The following GRAMD1C variants were observed in gnomAD, a reference collection of about 807,000 sequenced individuals.
GRAMD1C encodes the protein protein Aster-C.
GRAMD1C carries 89 observed loss-of-function variants against 97.8 expected under a neutral mutation model. The ratio of observed to expected loss-of-function variants is 0.91; its 90% CI spans 0.77 to 1.09. The LOEUF (loss-of-function observed/expected upper bound fraction) is 1.09, where lower values mean the gene tolerates loss of function less well. GRAMD1C is among the 50% of genes least tolerant of loss of function. GRAMD1C has a pLI of 0.00. For synonymous variants in GRAMD1C, 256 were observed against 267.0 expected (o/e 0.96, Z 0.40); for missense variants, 740 against 766.4 (o/e 0.97, Z 0.41).
At chr3:113,921,953 C>G (rs1332861212) in intron 10 of GRAMD1C, among the ~76,000 whole-genome samples, 1 of 152,032 alleles carries the variant, frequency 6.6e-6, no homozygotes, top group Non-Finnish European at 1.5e-5. Context: ...TGTGCAGATA[C>G]TCTTTAGTTT....
At position 113,860,210 on chromosome 3, in the gene GRAMD1C, CAG is replaced by C. The variant is rs1188675933; in HGVS notation, c.175-9296_175-9295del. 2.0e-5 allele frequency among the ~76,000 whole-genome samples: 3 copies of C among 152,174 alleles called. No homozygotes were observed. In the East Asian group the frequency reaches 5.8e-4, roughly 29 times the overall value. The stretch of plus-strand genomic sequence containing the variant: ...CTAATTTTCGTATTTTTAGTAGAGA[CAG>C]GGTTTCACCATGTTGGTCAGACCAG... On this transcript the variant is annotated intron_variant, in intron 2 of 17. Coordinates refer to ENST00000358160, the MANE Select transcript of GRAMD1C (RefSeq NM_017577.5).
At chr3:113,924,734 C>T (rs1401410908) in intron 10 of GRAMD1C, among the ~76,000 whole-genome samples, 2 of 152,064 alleles carry the variant, frequency 1.3e-5, no homozygotes, top group African/African-American at 4.8e-5. Flanking sequence ...ATGAGAAGAA[C>T]GTATATTCTG....
At chr3:113,871,744 CAAAA>C (rs1179822586) in intron 3 of GRAMD1C, among the ~76,000 whole-genome samples, 1 of 65,410 alleles carries the variant, frequency 1.5e-5, no homozygotes, top group Non-Finnish European at 2.6e-5. Flanking sequence ...GACTCTGTCT[CAAAA>C]AAAAAAAAAA....
chr3:113,832,066 G>A lies in GRAMD1C; in HGVS notation n.98+3787G>A, dbSNP rs113463913. Reference sequence around the variant, plus strand: ...TTTTTTTGAGACAGAGTCTTACTCTGTCGCTCAGGCTGGAGTGCAGTGTGC... The same window carrying A: ...TTTTTTTGAGACAGAGTCTTACTCTATCGCTCAGGCTGGAGTGCAGTGTGC... On this transcript the variant is annotated intron_variant and non_coding_transcript_variant, in intron 1 of 18. Transcript: ENST00000479212. Among the ~76,000 whole-genome samples, 1,383 of 150,718 alleles carry A rather than the reference G, an allele frequency of 9.2e-3. 26 individuals are homozygous for A. The highest frequency in any genetic ancestry group is 0.031 in the African/African-American group (1,247 of 40,164).
At position 113,927,070 on chromosome 3, in the gene GRAMD1C, T is replaced by C. The variant is rs535636937; in HGVS notation, c.1091-3644T>C. On this transcript the variant is annotated intron_variant, in intron 10 of 17. Transcript: ENST00000358160. ...GGCAGGGGCGCTGGTGGGAACCCTTTGTTTTCACAGGTGTCACCTTTGTTT... is the reference window on the plus strand; with the variant it reads ...GGCAGGGGCGCTGGTGGGAACCCTTCGTTTTCACAGGTGTCACCTTTGTTT... 1.3e-4 allele frequency among the ~76,000 whole-genome samples: 20 copies of C among 152,044 alleles called. No individual in the cohort carries two copies. In the South Asian group the frequency reaches 3.7e-3, roughly 28 times the overall value.
intron 15 of GRAMD1C, chr3:113,939,641 G>A (rs1478166411): frequency 2.9e-6 from 1 of 341,762 alleles, no homozygotes; most frequent in Non-Finnish European, 5.4e-6. Flanking sequence ...CCAAACCTGT[G>A]AGTTCGGATT....
intron 8 of GRAMD1C, among the ~76,000 whole-genome samples, chr3:113,906,646 A>T (rs191541858): frequency 1.9e-3 from 279 of 145,534 alleles, no homozygotes; most frequent in Non-Finnish European, 3.4e-3. Context: ...TATTATTGAA[A>T]AAACAATTTT....
intron 2 of GRAMD1C, among the ~76,000 whole-genome samples, chr3:113,849,625 C>G (rs1240393337): frequency 6.6e-6 from 1 of 152,122 alleles, no homozygotes; most frequent in East Asian, 1.9e-4. Context: ...GGTCACAGAT[C>G]AACAGGATCC....
upstream of GRAMD1C, among the ~76,000 whole-genome samples, chr3:113,835,807 C>T (rs1709622739): frequency 6.6e-6 from 1 of 152,178 alleles, no homozygotes; most frequent in Non-Finnish European, 1.5e-5. Context: ...CTTACTCTAT[C>T]ATGATCATAC....
chr3:113,869,037 T>A (rs796656750), intron 2 of GRAMD1C, among the ~76,000 whole-genome samples: 9 of 152,130 alleles, frequency 5.9e-5, no homozygotes, highest in African/African-American at 2.2e-4. Context: ...AAATCACAGC[T>A]CAACCCTCTC....
chr3:113,906,361 G>C (rs901334104), intron 8 of GRAMD1C, among the ~76,000 whole-genome samples: 1 of 152,084 alleles, frequency 6.6e-6, no homozygotes, highest in African/African-American at 2.4e-5. Flanking sequence ...AAAATGTGAA[G>C]GTGGAAGCAG....
At chr3:113,910,278 G>A (rs1936519060) in intron 9 of GRAMD1C, among the ~76,000 whole-genome samples, 1 of 152,154 alleles carries the variant, frequency 6.6e-6, no homozygotes, top group South Asian at 2.1e-4. Flanking sequence ...AGCTACTCGG[G>A]AGGCTGAGGC....
At chr3:113,902,882 C>G (rs1936227767) in intron 7 of GRAMD1C, among the ~76,000 whole-genome samples, 1 of 151,968 alleles carries the variant, frequency 6.6e-6, no homozygotes, top group South Asian at 2.1e-4. Flanking sequence ...CTTAAGTGAT[C>G]CACCCTGCCT....
chr3:113,897,428 C>T (rs2107439204), intron 6 of GRAMD1C: 1 of 487,196 alleles, frequency 2.1e-6, no homozygotes, highest in Non-Finnish European at 2.7e-6. Context: ...TTTAATAAAA[C>T]CTGTTTACCT....
chr3:113,944,264 G>T (rs1577234029), intron 17 of GRAMD1C, among the ~76,000 whole-genome samples: 1 of 152,322 alleles, frequency 6.6e-6, no homozygotes, highest in African/African-American at 2.4e-5. Flanking sequence ...GTTCCCTGAA[G>T]CTCTTTTATA....
chr3:113,850,526 C>T, intron 2 of GRAMD1C: 2 of 1,590,446 alleles, frequency 1.3e-6, no homozygotes, highest in South Asian at 2.2e-5. Flanking sequence ...TGGTAAGGTA[C>T]CAGTAGAAAT....
chr3:113,923,037 A>G (rs961588225), intron 10 of GRAMD1C, among the ~76,000 whole-genome samples: 1 of 151,400 alleles, frequency 6.6e-6, no homozygotes, highest in African/African-American at 2.4e-5. Flanking sequence ...TTCTTTTGCT[A>G]TAACGAATGG....
chr3:113,907,135 A>G (rs1053733157), intron 8 of GRAMD1C, among the ~76,000 whole-genome samples: 1 of 152,242 alleles, frequency 6.6e-6, no homozygotes, highest in African/African-American at 2.4e-5. Flanking sequence ...TTCCTAGCAC[A>G]CATTAAATAT....
At chr3:113,846,930 C>T (rs1317860846) in intron 2 of GRAMD1C, among the ~76,000 whole-genome samples, 1 of 152,126 alleles carries the variant, frequency 6.6e-6, no homozygotes, top group African/African-American at 2.4e-5. Context: ...GTTACCCAGA[C>T]ACCAGAACTG....
Sources: gnomAD v4.1 joint callset for allele counts (sites outside exome capture counted in the v4.1 genomes callset) on GRCh38, gnomAD v4.1.1 for gene constraint, MANE v1.5 for transcripts, NCBI Gene and HGNC (gene_info 2026-07-23, HGNC 2026-07-21) for gene names.